PTPN18: variants seen among roughly 807,000 people sequenced by gnomAD.
PTPN18 encodes the protein tyrosine-protein phosphatase non-receptor type 18.
PTPN18 carries 65 observed loss-of-function variants against 65.4 expected under a neutral mutation model. The ratio of observed to expected loss-of-function variants is 0.99; its 90% CI spans 0.81 to 1.22. The LOEUF is 1.22. PTPN18 is among the 50% of genes most tolerant of loss of function. The pLI is 0.00. For synonymous variants in PTPN18, 255 were observed against 267.8 expected, an observed-to-expected ratio of 0.95 and a Z score of 0.47; for missense variants, 616 against 646.5, an observed-to-expected ratio of 0.95 and a Z score of 0.51.
chr2:130,370,831 A>G, intron 10 of PTPN18, 44 bp from the exon 11 acceptor site: 5 of 1,612,292 alleles, frequency 3.1e-6, no homozygotes, highest in Non-Finnish European at 3.4e-6. Context: ...CACTGCTGTC[A>G]TTTGCCCCTG....
At position 130,373,084 on chromosome 2, in the gene PTPN18, G is replaced by A. The variant is rs1680633579; in HGVS notation, c.1316-73G>A. Reference sequence around the variant, plus strand: ...AGGAGGACCTGGAGGCGGGGGGATGGCCTTCTTCATGTCTGCCAGCTTCCA... The same window carrying A: ...AGGAGGACCTGGAGGCGGGGGGATGACCTTCTTCATGTCTGCCAGCTTCCA... On this transcript the variant is annotated intron_variant, in intron 14 of 14. Coordinates refer to ENST00000175756, the MANE Select transcript of PTPN18 (RefSeq NM_014369.4). The surrounding 1 kb of genome is among the most constrained non-coding windows in gnomAD (Gnocchi z 4.1). The A allele has an allele frequency of 1.9e-6, 3 of 1,542,520 alleles. No individual in the cohort carries two copies. The highest frequency in any genetic ancestry group is 3.6e-5 in the Admixed American group (2 of 55,348).
At position 130,373,037 on chromosome 2, in the gene PTPN18, G is replaced by C; in HGVS notation, c.1315+90G>C. ...TTGATGGGGCATGGAGCTTAGTCCT[G>C]TGGATGTGGCTGCAGTGAACCAGGA... On this transcript the variant is annotated intron_variant, in intron 14 of 14. Transcript: ENST00000175756. This position sits in a 1 kb window ranked among gnomAD's most constrained non-coding sequence, Gnocchi z 4.1. 1 of 1,570,352 alleles carries C rather than the reference G, an allele frequency of 6.4e-7. No individual in the cohort carries two copies. The highest frequency in any genetic ancestry group is 8.7e-7 in the Non-Finnish European group (1 of 1,143,914).
At chr2:130,365,618 T>C (rs1304662815) in intron 5 of PTPN18, among the ~76,000 whole-genome samples, 1 of 152,256 alleles carries the variant, frequency 6.6e-6, no homozygotes, top group Non-Finnish European at 1.5e-5. Flanking sequence ...GCTGTGCTTT[T>C]GGTGTATCTG....
chr2:130,371,393 G>T (rs1386255905), intron 12 of PTPN18, 106 bp downstream of exon 12: 2 of 984,438 alleles, frequency 2.0e-6, no homozygotes, highest in African/African-American at 1.6e-5. Context: ...CCAAGTGTTC[G>T]CTGGCCCTTT....
chr2:130,359,817 C>G (rs1414770858), intron 5 of PTPN18, 171 bp downstream of exon 5: 11 of 812,528 alleles, frequency 1.4e-5, no homozygotes, highest in Non-Finnish European at 2.2e-5. Context: ...TGTTATTCAT[C>G]CCCCAGTGTT....
intron 5 of PTPN18, among the ~76,000 whole-genome samples, chr2:130,367,800 C>T (rs1186435297): frequency 6.6e-6 from 1 of 152,014 alleles, no homozygotes; most frequent in African/African-American, 2.4e-5. Flanking sequence ...TTTGTGGGTT[C>T]ATAGTTTCAT....
chr2:130,363,409 T>C (rs1349969948), intron 5 of PTPN18, among the ~76,000 whole-genome samples: 1 of 151,850 alleles, frequency 6.6e-6, no homozygotes, highest in Non-Finnish European at 1.5e-5. Context: ...ATTGTGCCAC[T>C]ACACTGCAGC....
intron 13 of PTPN18, 111 bp from the exon 14 acceptor site, chr2:130,372,762 C>G: frequency 1.5e-6 from 2 of 1,311,230 alleles, no homozygotes; most frequent in African/African-American, 1.5e-5. Context: ...TCCCGCCCGG[C>G]GCCCTCGGCT....
chr2:130,373,361 G>T lies in PTPN18; in HGVS notation c.*137G>T, dbSNP rs1680643193. The T allele has an allele frequency of 3.2e-6, 3 of 940,690 alleles. No individual in the cohort carries two copies. In the African/African-American group the frequency reaches 5.0e-5, roughly 16 times the overall value. 58.3% of individuals were successfully genotyped at this position (940,690 alleles called of 1,614,324 possible). ...GTTTCTCAGGGTGGGAAATGTGGGGGCTTTGCCCCAATGACTGTAGCATTC... is the reference window on the plus strand; with the variant it reads ...GTTTCTCAGGGTGGGAAATGTGGGGTCTTTGCCCCAATGACTGTAGCATTC... On this transcript the variant is annotated 3_prime_UTR_variant, in exon 15 of 15. Transcript: ENST00000175756. The surrounding 1 kb of genome is among the most constrained non-coding windows in gnomAD (Gnocchi z 4.1).
chr2:130,368,989 T>G, intron 5 of PTPN18, 144 bp from the exon 6 acceptor site: 1 of 624,106 alleles, frequency 1.6e-6, no homozygotes, highest in Non-Finnish European at 2.8e-6. Flanking sequence ...GATGGCTCTG[T>G]TGGCTGGCGT....
chr2:130,357,027 C>G (rs1276967788), intron 1 of PTPN18, among the ~76,000 whole-genome samples: 1 of 152,096 alleles, frequency 6.6e-6, no homozygotes, highest in East Asian at 1.9e-4. Flanking sequence ...CCCGTCTCTA[C>G]TAAAAATACA....
chr2:130,358,694 G>A (rs1455165078), intron 1 of PTPN18, among the ~76,000 whole-genome samples, 173 bp from the exon 2 acceptor site: 1 of 152,126 alleles, frequency 6.6e-6, no homozygotes, highest in African/African-American at 2.4e-5. Flanking sequence ...GGTGCCCTGG[G>A]TCACTATTTC....
chr2:130,362,403 T>G (rs1680244868), intron 5 of PTPN18: 1 of 256,242 alleles, frequency 3.9e-6, no homozygotes, highest in Non-Finnish European at 7.8e-6. Flanking sequence ...TGTTTGTTCT[T>G]TTCTTCTTTT....
Position 130,375,081 on chromosome 2 carries a change from G to C in PTPN18, c.*1857G>C, listed in dbSNP as rs1680705954. 5.0e-6 allele frequency: 1 copy of C among 201,700 alleles called. No homozygotes were observed. Among genetic ancestry groups the C allele is most frequent in the African/African-American group, 2.3e-5 (1 of 43,462 alleles). 12.5% of individuals were successfully genotyped at this position (201,700 alleles called of 1,614,324 possible). The stretch of plus-strand genomic sequence containing the variant: ...GCCCCGTTTCTCTGTTTTCGTGAAA[G>C]AGCTGACCCTGTGCTGCCTCCCACT... On this transcript the variant is annotated 3_prime_UTR_variant, in exon 15 of 15. Transcript: ENST00000175756.
intron 12 of PTPN18, 144 bp downstream of exon 12, chr2:130,371,431 C>T: frequency 1.5e-6 from 1 of 681,664 alleles, no homozygotes. Flanking sequence ...GGAACCCACC[C>T]CAAGATGATT....
At chr2:130,359,837 T>A (rs1045217669) in intron 5 of PTPN18, 191 bp downstream of exon 5, 12 of 686,016 alleles carry the variant, frequency 1.7e-5, no homozygotes, top group Non-Finnish European at 2.7e-5. Context: ...TGGCAACCCC[T>A]CTCCTGCTGG....
chr2:130,361,550 CTTTCTTT>C (rs1228346463), intron 5 of PTPN18, among the ~76,000 whole-genome samples: 5 of 131,844 alleles, frequency 3.8e-5, no homozygotes, highest in Admixed American at 7.7e-5. Flanking sequence ...TTCTTTCTTT[CTTTCTTT>C]CTTTCTTTCC....
At position 130,361,537 on chromosome 2, in the gene PTPN18, T is replaced by C. The variant is rs1680203060; in HGVS notation, c.414+1891T>C. ...CTCTTTCTTTCTTTCTTTCTTTCTTTCTTTCTTTCTTTCTTTCTTTCTTTC... is the reference window on the plus strand; with the variant it reads ...CTCTTTCTTTCTTTCTTTCTTTCTTCCTTTCTTTCTTTCTTTCTTTCTTTC... On this transcript the variant is annotated intron_variant, in intron 5 of 14. Transcript: ENST00000175756. Among the ~76,000 whole-genome samples, 5 of 138,866 alleles carry C rather than the reference T, an allele frequency of 3.6e-5. 1 individual carries two copies. Among genetic ancestry groups the C allele is most frequent in the African/African-American group, 1.6e-4 (5 of 31,202 alleles). 91.1% of individuals were successfully genotyped at this position (138,866 alleles called of 152,430 possible). A position where few individuals can be genotyped will look rare whatever the true frequency, so the allele number is the denominator to read the frequency against.
At chr2:130,368,168 A>AT (rs1230462667) in intron 5 of PTPN18, among the ~76,000 whole-genome samples, 1 of 151,416 alleles carries the variant, frequency 6.6e-6, no homozygotes, top group Non-Finnish European at 1.5e-5. Flanking sequence ...CCATTTTAAG[A>AT]TTTTTGCTTC....
Sources: allele counts gnomAD v4.1 joint callset (sites outside exome capture counted in the v4.1 genomes callset), GRCh38; gene constraint gnomAD v4.1.1; non-coding constraint Gnocchi (gnomAD v3.1); transcripts MANE v1.5; gene names NCBI Gene and HGNC (gene_info 2026-07-23, HGNC 2026-07-21).